Variants in TLL1 observed in about 807,000 individuals in gnomAD.
TLL1 encodes the protein tolloid-like protein 1.
A neutral mutation model predicts 128.2 loss-of-function variants in TLL1; 49 were observed. The observed-to-expected ratio is 0.38, with a 90% confidence interval of 0.30 to 0.48. TLL1 has a LOEUF of 0.48. Ranked by LOEUF, TLL1 falls within the 20% of genes least tolerant of loss-of-function variation. The probability of loss-of-function intolerance (pLI) is 0.96; values close to 1 mark genes in which losing one functional copy is unlikely to be tolerated. For synonymous variants in TLL1, 454 were observed against 418.8 expected (o/e 1.08, Z -1.03); for missense variants, 1,123 against 1,242.0 (o/e 0.90, Z 1.44).
chr4:165,933,334 C>G (rs1194480683), intron 1 of TLL1, among the ~76,000 whole-genome samples: 2 of 151,970 alleles, frequency 1.3e-5, no homozygotes, highest in Non-Finnish European at 2.9e-5. Flanking sequence ...GTGTTGTTCC[C>G]CAGGTTCTCT....
At chr4:165,954,412 C>G (rs1158019172) in intron 1 of TLL1, among the ~76,000 whole-genome samples, 1 of 151,924 alleles carries the variant, frequency 6.6e-6, no homozygotes, top group Non-Finnish European at 1.5e-5. Context: ...AAATTATGAC[C>G]ACAAACTTAA....
chr4:166,002,529 C>T (rs994897868), intron 5 of TLL1, among the ~76,000 whole-genome samples: 1 of 152,148 alleles, frequency 6.6e-6, no homozygotes, highest in Non-Finnish European at 1.5e-5. Context: ...ACTGCAGACT[C>T]AAACTCCTGG....
rs556465664 is a variant in TLL1, at chr4:166,101,297, G to A, written c.*421G>A. 1.9e-5 allele frequency: 5 copies of A among 260,918 alleles called. No homozygotes were observed. The East Asian group carries it at 4.1e-4, about 22-fold the overall frequency. The allele number at this position is 260,918 out of a possible 1,614,324, so 16.2% of individuals were successfully genotyped here. On this transcript the variant is annotated 3_prime_UTR_variant, in exon 21 of 21. Coordinates refer to ENST00000061240, the MANE Select transcript of TLL1 (RefSeq NM_012464.5). ...GAAAACAGTATTTTGGTTGTCTTAG[G>A]ATAATTGCTGACTTTGTATCTTGGA...
chr4:165,917,651 A>G (rs939422031), intron 1 of TLL1, among the ~76,000 whole-genome samples: 5 of 152,130 alleles, frequency 3.3e-5, no homozygotes, highest in Non-Finnish European at 7.4e-5. Flanking sequence ...TACAGGATTT[A>G]CATCTTGCCT....
At chr4:165,995,677 T>C (rs925137893) in intron 5 of TLL1, among the ~76,000 whole-genome samples, 3 of 152,334 alleles carry the variant, frequency 2.0e-5, no homozygotes, top group South Asian at 4.1e-4. Context: ...TGTTTCCTTC[T>C]AAATTAACTT....
chr4:166,079,474 A>G (rs1015701315), intron 18 of TLL1, among the ~76,000 whole-genome samples: 21 of 151,948 alleles, frequency 1.4e-4, no homozygotes, highest in Non-Finnish European at 2.1e-4. Flanking sequence ...TTTCTGGTTT[A>G]CATAGTTTTC....
intron 1 of TLL1, among the ~76,000 whole-genome samples, chr4:165,952,132 C>A (rs749464391): frequency 6.6e-6 from 1 of 152,082 alleles, no homozygotes; most frequent in Non-Finnish European, 1.5e-5. Flanking sequence ...GGGAGAATTT[C>A]CTGCTCACCA....
rs376598847 is a variant in TLL1, at chr4:165,995,154, T to C, written c.608T>C (p.Ile203Thr). ...FIERSDEESYIVFTYRPCGCC... is the reference protein window; with the variant it reads ...FIERSDEESYTVFTYRPCGCC... ...GAAAGAAGTGATGAAGAGAGTTACA[T>C]TGTATTCACCTATAGGCCTTGTGGG... The change falls in exon 5 of 21, where the codon ATT becomes ACT. Residue 203 changes from isoleucine to threonine, a missense_variant. By Grantham distance (89) the Ile-to-Thr change is moderately conservative. This residue lies in a region of TLL1 where 480 missense variants were observed against 542.4 expected (regional missense o/e 0.89). Transcript: ENST00000061240. 33 of 1,613,630 alleles carry C rather than the reference T, an allele frequency of 2.0e-5. No homozygotes were observed. Among genetic ancestry groups the C allele is most frequent in the East Asian group, 8.9e-5 (4 of 44,882 alleles).
rs577885967 is a variant in TLL1 at position 166,051,281 on chromosome 4, T to C, written c.1525-3795T>C. On this transcript the variant is annotated intron_variant, in intron 12 of 20. Transcript: ENST00000061240. ...TTTTCTCCTCCCTCCCTCCCTCCCT[T>C]CTTTCTTCCCTCCCTCCTTTCCTTC... Among the ~76,000 whole-genome samples, 74 of 110,954 alleles carry C rather than the reference T, an allele frequency of 6.7e-4. 1 individual carries two copies. Among genetic ancestry groups the C allele is most frequent in the Non-Finnish European group, 1.2e-3 (64 of 54,084 alleles). The allele number at this position is 110,954 out of a possible 152,430, so 72.8% of individuals were successfully genotyped here.
intron 9 of TLL1, among the ~76,000 whole-genome samples, chr4:166,029,688 C>A (rs1738668687): frequency 6.6e-6 from 1 of 152,024 alleles, no homozygotes; most frequent in Non-Finnish European, 1.5e-5. Context: ...CCCTTTGTGC[C>A]TGGCAATCAT....
chr4:165,923,154 A>G (rs1733110822), intron 1 of TLL1, among the ~76,000 whole-genome samples: 1 of 152,162 alleles, frequency 6.6e-6, no homozygotes, highest in Non-Finnish European at 1.5e-5. Context: ...CAGTACAATC[A>G]TATGCAGTAA....
intron 18 of TLL1, among the ~76,000 whole-genome samples, chr4:166,079,315 AT>A (rs751266448): frequency 6.6e-6 from 1 of 152,026 alleles, no homozygotes; most frequent in South Asian, 2.1e-4. Context: ...CTCAATCCAA[AT>A]TTTTTTTGGG....
Position 166,006,319 on chromosome 4 carries a change from T to C in TLL1, c.812-1624T>C, listed in dbSNP as rs1737424168. On this transcript the variant is annotated intron_variant, in intron 6 of 20. Transcript: ENST00000061240. Reference sequence around the variant, plus strand: ...TTCCTTTCATGTAATAAGTCTACTTTTCTGTTATTTGGGCTGTGTATGGCT... The same window carrying C: ...TTCCTTTCATGTAATAAGTCTACTTCTCTGTTATTTGGGCTGTGTATGGCT... 3.3e-5 allele frequency among the ~76,000 whole-genome samples: 5 copies of C among 151,970 alleles called. 1 individual carries two copies. In the South Asian group the frequency reaches 1.0e-3, roughly 31 times the overall value.
intron 1 of TLL1, among the ~76,000 whole-genome samples, chr4:165,934,400 A>G (rs1733674738): frequency 6.6e-6 from 1 of 152,186 alleles, no homozygotes; most frequent in Admixed American, 6.5e-5. Context: ...ATGTTTTTAA[A>G]TATTAATCTC....
chr4:166,071,355 C>A (rs1362328106), intron 16 of TLL1, among the ~76,000 whole-genome samples: 1 of 151,806 alleles, frequency 6.6e-6, no homozygotes, highest in African/African-American at 2.4e-5. Context: ...TTCCTTTTTC[C>A]TAATGATGGG....
chr4:165,976,212 T>C (rs1735879829), intron 1 of TLL1, among the ~76,000 whole-genome samples: 1 of 152,048 alleles, frequency 6.6e-6, no homozygotes, highest in African/African-American at 2.4e-5. Context: ...TCACAGGAAA[T>C]GCAAGAGATC....
intron 16 of TLL1, 74 bp downstream of exon 16, chr4:166,065,937 A>G (rs1417490171): frequency 6.6e-6 from 10 of 1,506,860 alleles, no homozygotes; most frequent in Non-Finnish European, 9.2e-6. Flanking sequence ...TATGTGATCT[A>G]TTTTTCATAG....
intron 1 of TLL1, among the ~76,000 whole-genome samples, chr4:165,953,325 T>C (rs1018217918): frequency 1.3e-5 from 2 of 152,068 alleles, no homozygotes; most frequent in Non-Finnish European, 2.9e-5. Flanking sequence ...TACAGCCAGA[T>C]GGACAGCCTG....
intron 1 of TLL1, among the ~76,000 whole-genome samples, chr4:165,967,638 A>G (rs1268907288): frequency 6.6e-6 from 1 of 152,162 alleles, no homozygotes; most frequent in Non-Finnish European, 1.5e-5. Flanking sequence ...AATCTGGTTG[A>G]GTGGCATGCC....
Sources: allele counts gnomAD v4.1 joint callset (sites outside exome capture counted in the v4.1 genomes callset), GRCh38; gene constraint gnomAD v4.1.1; regional missense constraint gnomAD v4.1.1; transcripts MANE v1.5; gene names NCBI Gene and HGNC (gene_info 2026-07-23, HGNC 2026-07-21).